The following USP15 variants were observed in gnomAD, a reference collection of about 807,000 sequenced individuals.
USP15 encodes ubiquitin specific peptidase 15.
USP15 carries 18 observed loss-of-function variants against 127.1 expected under a neutral mutation model. The ratio of observed to expected loss-of-function variants is 0.14; its 90% CI spans 0.10 to 0.21. The LOEUF is 0.21. USP15 is among the 10% of genes least tolerant of loss of function. The pLI is 1.00. For missense variants in USP15, 805 were observed against 1,159.9 expected, an observed-to-expected ratio of 0.69 and a Z score of 4.44; for synonymous variants, 364 against 393.7, an observed-to-expected ratio of 0.92 and a Z score of 0.89.
intron 21 of USP15, among the ~76,000 whole-genome samples, chr12:62,402,679 C>G (rs759153336): frequency 9.9e-5 from 15 of 152,008 alleles, no homozygotes; most frequent in Non-Finnish European, 1.8e-4. Context: ...AGAAATTAGT[C>G]TGGAGATAAA....
At chr12:62,378,826 T>G (rs1208154894) in intron 8 of USP15, among the ~76,000 whole-genome samples, 2 of 152,124 alleles carry the variant, frequency 1.3e-5, no homozygotes, top group African/African-American at 4.8e-5. Flanking sequence ...TCAACAAAAA[T>G]TTATTGAACC....
rs1309961814 is a variant in USP15 at position 62,331,035 on chromosome 12, G to T, written c.683+5102G>T. On this transcript the variant is annotated intron_variant, in intron 6 of 21. Transcript: ENST00000280377. ...ACACGTAATTTTAAGTCCTTAGGAA[G>T]GACTTCAAGATATTAAGATACAGAA... Among the ~76,000 whole-genome samples, 7 of 151,882 alleles carry T rather than the reference G, an allele frequency of 4.6e-5. No individual in the cohort carries two copies. The East Asian group carries it at 1.4e-3, about 29-fold the overall frequency.
At chr12:62,334,310 A>G (rs1358716880) in intron 6 of USP15, 1 of 152,202 alleles carries the variant, frequency 6.6e-6, no homozygotes, top group Non-Finnish European at 1.5e-5. Context: ...TGGTGCTTAG[A>G]TTCATAATTG....
In USP15 at chr12:62,323,196, C is replaced by A. The variant is rs1020245902; in HGVS notation, c.621+1587C>A. ...AGATGTATGTATATTTGTTTTGTAT[C>A]GTTCATTATATGCTTTAGTTATTTG... is the stretch of plus-strand genomic sequence containing the variant. On this transcript the variant is annotated intron_variant, in intron 5 of 21. Coordinates refer to ENST00000280377, the MANE Select transcript of USP15 (RefSeq NM_001252078.2). Among the ~76,000 whole-genome samples the A allele has an allele frequency of 2.6e-5, 4 of 152,212 alleles. No individual in the cohort carries two copies. In the East Asian group the frequency reaches 7.7e-4, roughly 29 times the overall value.
rs1016850730 is a variant in USP15, at chr12:62,410,779, A to G, written c.*6404A>G. On this transcript the variant is annotated 3_prime_UTR_variant, in exon 22 of 22. Transcript: ENST00000280377. ...AAATTTCATTTTTGAAGCTGTCGTT[A>G]AAAGTATATATTTTTAGCAAAGGAA... 1 of 152,136 alleles carries G rather than the reference A, an allele frequency of 6.6e-6. No individual in the cohort carries two copies. Among genetic ancestry groups the G allele is most frequent in the African/African-American group, 2.4e-5 (1 of 41,424 alleles). The allele number at this position is 152,136 out of a possible 1,614,324, so 9.4% of individuals were successfully genotyped here.
At chr12:62,339,838 G>T (rs2065593542) in intron 6 of USP15, among the ~76,000 whole-genome samples, 1 of 152,156 alleles carries the variant, frequency 6.6e-6, no homozygotes, top group South Asian at 2.1e-4. Flanking sequence ...ATATTGGCCT[G>T]AAATTTTCTT....
chr12:62,360,928 A>G (rs116935942), intron 8 of USP15, among the ~76,000 whole-genome samples: 2,855 of 152,004 alleles, frequency 0.019, 50 homozygotes, highest in Non-Finnish European at 0.027. Flanking sequence ...TCAAATGACA[A>G]CTCAGTCAGG....
At chr12:62,353,953 G>A (rs1047750820) in intron 7 of USP15, among the ~76,000 whole-genome samples, 2 of 151,950 alleles carry the variant, frequency 1.3e-5, no homozygotes, top group Non-Finnish European at 1.5e-5. Flanking sequence ...TTTCTTTGGC[G>A]CCTGCTGTTT....
chr12:62,301,797 CATTATT>C (rs1386422194), intron 2 of USP15, among the ~76,000 whole-genome samples: 2 of 152,094 alleles, frequency 1.3e-5, no homozygotes, highest in Non-Finnish European at 2.9e-5. Context: ...ACTGTGTTCT[CATTATT>C]GAAATGCTAC....
At chr12:62,294,393 C>T (rs1028823926) in intron 2 of USP15, 87 bp downstream of exon 2, 20 of 1,456,880 alleles carry the variant, frequency 1.4e-5, no homozygotes, top group South Asian at 5.4e-5. Context: ...AAAATGTTAG[C>T]GCAAATAAGT....
In USP15 at chr12:62,279,077, A is replaced by C. The variant is rs114978315; in HGVS notation, c.90-15102A>C. ...TCTGTACAATATAATATTGTTAACT[A>C]TAGGCACAATATTGTACAATAGACT... is the stretch of plus-strand genomic sequence containing the variant. On this transcript the variant is annotated intron_variant, in intron 1 of 21. Coordinates refer to ENST00000280377, the MANE Select transcript of USP15 (RefSeq NM_001252078.2). The C allele has an allele frequency of 7.2e-5, 11 of 152,242 alleles. No individual in the cohort carries two copies. In the South Asian group the frequency reaches 2.3e-3, roughly 32 times the overall value. 9.4% of individuals were successfully genotyped at this position (152,242 alleles called of 1,614,324 possible). A position where few individuals can be genotyped will look rare whatever the true frequency, so the allele number is the denominator to read the frequency against.
Position 62,262,923 on chromosome 12 carries a change from G to A in USP15, c.89+2420G>A, listed in dbSNP as rs114029495. 9.3e-3 allele frequency among the ~76,000 whole-genome samples: 1,407 copies of A among 152,102 alleles called. 24 individuals are homozygous for A. The highest frequency in any genetic ancestry group is 0.032 in the African/African-American group (1,331 of 41,502). On this transcript the variant is annotated intron_variant, in intron 1 of 21. Transcript: ENST00000280377. ...TCCTCACGTTAATTTTCTCTTAAAG[G>A]AAAAAAACTGCAAGAGAAAGATGGT...
intron 8 of USP15, among the ~76,000 whole-genome samples, chr12:62,365,662 C>T (rs2066453781): frequency 6.6e-6 from 1 of 152,152 alleles, no homozygotes; most frequent in African/African-American, 2.4e-5. Context: ...CCTAGGTTTT[C>T]TTCTAGGATT....
chr12:62,286,739 A>G (rs1309867896), intron 1 of USP15, among the ~76,000 whole-genome samples: 2 of 152,034 alleles, frequency 1.3e-5, no homozygotes, highest in Non-Finnish European at 2.9e-5. Context: ...GGAGTTCGAG[A>G]CCAGCCTGAC....
At chr12:62,286,923 G>C (rs1252212528) in intron 1 of USP15, among the ~76,000 whole-genome samples, 1 of 141,562 alleles carries the variant, frequency 7.1e-6, no homozygotes, top group Non-Finnish European at 1.5e-5. Flanking sequence ...GGCAACAAGA[G>C]CGAAACTCTG....
Position 62,410,055 on chromosome 12 carries a change from A to G in USP15, c.*5680A>G, listed in dbSNP as rs2068001369. Reference sequence around the variant, plus strand: ...TGTTCACTTATGTCTAGTCATATGCATACCTACTCTCTTCTAACCTTGAGT... The same window carrying G: ...TGTTCACTTATGTCTAGTCATATGCGTACCTACTCTCTTCTAACCTTGAGT... On this transcript the variant is annotated 3_prime_UTR_variant, in exon 22 of 22. Coordinates refer to ENST00000280377, the MANE Select transcript of USP15 (RefSeq NM_001252078.2). 1 of 152,168 alleles carries G rather than the reference A, an allele frequency of 6.6e-6. No homozygotes were observed. Among genetic ancestry groups the G allele is most frequent in the African/African-American group, 2.4e-5 (1 of 41,466 alleles). 9.4% of individuals were successfully genotyped at this position (152,168 alleles called of 1,614,324 possible).
chr12:62,275,644 G>A (rs7316131), intron 1 of USP15, among the ~76,000 whole-genome samples: 12,939 of 151,950 alleles, frequency 0.085, 633 homozygotes, highest in Middle Eastern at 0.16. Flanking sequence ...GGGAGAGGAG[G>A]AAAAGACTTA....
At chr12:62,359,126 G>A (rs2066231469) in intron 8 of USP15, among the ~76,000 whole-genome samples, 1 of 151,066 alleles carries the variant, frequency 6.6e-6, no homozygotes, top group Admixed American at 6.6e-5. Context: ...GCTTTGGTTG[G>A]GTGAAGTTCC....
chr12:62,294,355 T>C (rs1041119055), intron 2 of USP15, 49 bp downstream of exon 2: 1 of 1,571,708 alleles, frequency 6.4e-7, no homozygotes, highest in African/African-American at 1.4e-5. Flanking sequence ...TAAATTTCAT[T>C]ATATAAATGT....
Sources: allele counts gnomAD v4.1 joint callset (sites outside exome capture counted in the v4.1 genomes callset), GRCh38; gene constraint gnomAD v4.1.1; transcripts MANE v1.5; gene names NCBI Gene and HGNC (gene_info 2026-07-23, HGNC 2026-07-21).